PAWR: variants seen among roughly 807,000 people sequenced by gnomAD.
The protein encoded by PAWR is PRKC apoptosis WT1 regulator protein.
In PAWR, 23 loss-of-function variants were observed where a neutral mutation model predicts 32.0. The ratio of observed to expected loss-of-function variants is 0.72; its 90% CI spans 0.52 to 1.02. PAWR has a LOEUF of 1.02. Among genes scored for constraint, PAWR ranks in the 50% least tolerant of loss-of-function variants. The probability of loss-of-function intolerance (pLI) is 0.00; values close to 1 mark genes in which losing one functional copy is unlikely to be tolerated. For missense variants in PAWR, 457 were observed against 437.7 expected (o/e 1.04, Z -0.39); for synonymous variants, 226 against 187.1 (o/e 1.21, Z -1.70).
At chr12:79,688,227 T>C (rs1319173970) in intron 2 of PAWR, 5 of 142,710 alleles carry the variant, frequency 3.5e-5, no homozygotes, top group African/African-American at 7.7e-5. Context: ...TACCCTTGTT[T>C]AAAAAAAAAA....
chr12:79,687,627 A>T lies in PAWR; in HGVS notation c.516+2102T>A, dbSNP rs192167147. ...TGCAAAATATGTATGACTTTTTAAA[A>T]CAGGGGTGCTAAATTAAATATTACA... On this transcript the variant is annotated intron_variant, in intron 2 of 6. Transcript: ENST00000328827. Among the ~76,000 whole-genome samples, 520 of 152,280 alleles carry T rather than the reference A, an allele frequency of 3.4e-3. 2 individuals are homozygous for T. The highest frequency in any genetic ancestry group is 0.027 in the South Asian group (131 of 4,824).
chr12:79,655,253 G>A (rs1390446097), intron 2 of PAWR, among the ~76,000 whole-genome samples: 1 of 152,160 alleles, frequency 6.6e-6, no homozygotes, highest in African/African-American at 2.4e-5. Flanking sequence ...AGGAGTACTG[G>A]TCTTTAGGGA....
At chr12:79,664,075 T>C (rs1302452864) in intron 2 of PAWR, among the ~76,000 whole-genome samples, 1 of 152,148 alleles carries the variant, frequency 6.6e-6, no homozygotes, top group Non-Finnish European at 1.5e-5. Flanking sequence ...CAAACAGAAA[T>C]TTGCCCATTA....
At chr12:79,636,743 G>A (rs1480119168) in intron 2 of PAWR, among the ~76,000 whole-genome samples, 19 of 151,938 alleles carry the variant, frequency 1.3e-4, no homozygotes, top group Non-Finnish European at 2.2e-4. Flanking sequence ...ACAACCGTTC[G>A]TAAAATCCTT....
chr12:79,662,513 T>C (rs150909599), intron 2 of PAWR, among the ~76,000 whole-genome samples: 7 of 152,328 alleles, frequency 4.6e-5, no homozygotes, highest in Non-Finnish European at 8.8e-5. Flanking sequence ...CCTGCAATTA[T>C]TAATCTCTTA....
At chr12:79,689,144 C>A (rs1878835732) in intron 2 of PAWR, among the ~76,000 whole-genome samples, 1 of 152,186 alleles carries the variant, frequency 6.6e-6, no homozygotes, top group Non-Finnish European at 1.5e-5. Context: ...CAGAAAAACA[C>A]TGTGTGTTTA....
chr12:79,599,056 T>C (rs1305576728), intron 4 of PAWR, among the ~76,000 whole-genome samples: 1 of 152,160 alleles, frequency 6.6e-6, no homozygotes, highest in East Asian at 1.9e-4. Context: ...CTTCTTTGCA[T>C]GGAAAGCTAA....
chr12:79,645,071 A>C (rs982809532), intron 2 of PAWR, among the ~76,000 whole-genome samples: 2 of 102,636 alleles, frequency 1.9e-5, no homozygotes, highest in South Asian at 2.6e-4. Flanking sequence ...CACACACAAA[A>C]ATCAATGTGG....
chr12:79,624,746 A>C (rs927676830), intron 2 of PAWR, among the ~76,000 whole-genome samples: 12 of 152,204 alleles, frequency 7.9e-5, no homozygotes, highest in Non-Finnish European at 1.2e-4. Context: ...GCCATACTTA[A>C]GAGAAGTGGA....
chr12:79,630,302 T>C lies in PAWR; in HGVS notation c.517-9095A>G, dbSNP rs1387321175. ...ATTATGAAAAACTTTGTGCCACTAA[T>C]ATATATATATATATTTTTTTTGAGA... On this transcript the variant is annotated intron_variant, in intron 2 of 6. Transcript: ENST00000328827. 3.9e-5 allele frequency among the ~76,000 whole-genome samples: 5 copies of C among 128,254 alleles called. No homozygotes were observed. In the East Asian group the frequency reaches 1.0e-3, roughly 26 times the overall value. 84.1% of individuals were successfully genotyped at this position (128,254 alleles called of 152,430 possible). A position where few individuals can be genotyped will look rare whatever the true frequency, so the allele number is the denominator to read the frequency against.
intron 5 of PAWR, among the ~76,000 whole-genome samples, chr12:79,596,074 A>G (rs1873737995): frequency 6.6e-6 from 1 of 152,322 alleles, no homozygotes; most frequent in South Asian, 2.1e-4. Flanking sequence ...AACAATTACA[A>G]AAGTATTCAA....
chr12:79,674,650 T>G (rs902913638), intron 2 of PAWR, among the ~76,000 whole-genome samples: 1 of 151,894 alleles, frequency 6.6e-6, no homozygotes, highest in African/African-American at 2.4e-5. Context: ...TATTTGCAAA[T>G]TATGCATCTG....
intron 2 of PAWR, among the ~76,000 whole-genome samples, chr12:79,678,018 T>C (rs903606676): frequency 1.3e-5 from 2 of 152,226 alleles, no homozygotes; most frequent in Non-Finnish European, 2.9e-5. Context: ...ATTCATTATA[T>C]AATTATTTTT....
At chr12:79,611,421 C>T (rs2136696395) in intron 4 of PAWR, among the ~76,000 whole-genome samples, 1 of 151,158 alleles carries the variant, frequency 6.6e-6, no homozygotes, top group Admixed American at 6.6e-5. Context: ...CTATCTTTTA[C>T]TCTATTCTCC....
chr12:79,650,711 T>A (rs1876800977), intron 2 of PAWR, among the ~76,000 whole-genome samples: 1 of 106,266 alleles, frequency 9.4e-6, no homozygotes, highest in Non-Finnish European at 2.1e-5. Context: ...GCTTAAAGGT[T>A]ATTAAAAAAA....
In PAWR at chr12:79,668,680, A is replaced by C. The variant is rs1344280607; in HGVS notation, c.516+21049T>G. ...CTATGAGAATCTAAGGGTGCCGCTC[A>C]TCTGTCAGGAGGCAGAGCCCAGGCA... On this transcript the variant is annotated intron_variant, in intron 2 of 6. Transcript: ENST00000328827. 2.6e-5 allele frequency among the ~76,000 whole-genome samples: 4 copies of C among 152,218 alleles called. No homozygotes were observed. In the East Asian group the frequency reaches 7.7e-4, roughly 29 times the overall value.
chr12:79,632,444 G>C (rs1375197842), intron 2 of PAWR, among the ~76,000 whole-genome samples: 1 of 144,636 alleles, frequency 6.9e-6, no homozygotes, highest in Non-Finnish European at 1.5e-5. Context: ...CTGCAGCCTT[G>C]ACCTCCTGGG....
intron 2 of PAWR, among the ~76,000 whole-genome samples, chr12:79,688,924 G>A (rs1199317027): frequency 2.6e-5 from 4 of 152,194 alleles, no homozygotes; most frequent in African/African-American, 9.7e-5. Flanking sequence ...AGAGGGAGGT[G>A]TGATTATACA....
At chr12:79,608,872 CCA>C (rs1297091394) in intron 4 of PAWR, among the ~76,000 whole-genome samples, 1 of 151,854 alleles carries the variant, frequency 6.6e-6, no homozygotes, top group Non-Finnish European at 1.5e-5. Context: ...TGGCAAAACC[CCA>C]CCTCTACTAA....
Sources: gnomAD v4.1 joint callset for allele counts (sites outside exome capture counted in the v4.1 genomes callset) on GRCh38, gnomAD v4.1.1 for gene constraint, MANE v1.5 for transcripts, NCBI Gene and HGNC (gene_info 2026-07-23, HGNC 2026-07-21) for gene names.